The following ATP13A3 variants were observed in gnomAD, a reference collection of about 807,000 sequenced individuals.
ATP13A3 encodes the protein ATPase 13A3, also known as polyamine-transporting ATPase 13A3.
Under a neutral mutation model 158.1 loss-of-function variants are expected in ATP13A3, and 59 were observed. The observed-to-expected ratio is 0.37, with a 90% CI of 0.30 to 0.46. The LOEUF (loss-of-function observed/expected upper bound fraction) is 0.46, where lower values mean the gene tolerates loss of function less well. ATP13A3 is among the 20% of genes least tolerant of loss of function. ATP13A3 has a pLI of 1.00. For missense variants in ATP13A3, 1,166 were observed against 1,525.2 expected (o/e 0.76, Z 3.92); for synonymous variants, 491 against 504.3 (o/e 0.97, Z 0.35).
chr3:194,484,726 CTG>C (rs1270976359), intron 2 of ATP13A3, among the ~76,000 whole-genome samples: 2 of 152,098 alleles, frequency 1.3e-5, no homozygotes, highest in Non-Finnish European at 2.9e-5. Flanking sequence ...AAAGCGGATT[CTG>C]TGTGTTGTAT....
In ATP13A3 at chr3:194,431,236, T is replaced by C. The variant is rs1024313145; in HGVS notation, c.2422-10A>G. 1 of 1,589,086 alleles carries C rather than the reference T, an allele frequency of 6.3e-7. No homozygotes were observed. Among genetic ancestry groups the C allele is most frequent in the Non-Finnish European group, 8.6e-7 (1 of 1,162,310 alleles). On this transcript the variant is annotated splice_polypyrimidine_tract_variant and intron_variant, in intron 22 of 33. Transcript: ENST00000645319. Reference sequence around the variant, plus strand: ...ATTTAACCGGAATAGCCTGTGTATATGAGACATTGGGAACAATATTTAGGC... The same window carrying C: ...ATTTAACCGGAATAGCCTGTGTATACGAGACATTGGGAACAATATTTAGGC...
At chr3:194,424,378 A>C (rs1432376843) in intron 30 of ATP13A3, 1 of 152,124 alleles carries the variant, frequency 6.6e-6, no homozygotes, top group Non-Finnish European at 1.5e-5. Flanking sequence ...AAAAATTACC[A>C]GTGAGATCAG....
intron 21 of ATP13A3, among the ~76,000 whole-genome samples, chr3:194,433,476 C>T (rs1052436214): frequency 2.6e-5 from 4 of 152,070 alleles, no homozygotes; most frequent in Admixed American, 1.3e-4. Context: ...ATCTCCTGAC[C>T]TCATGATCCA....
chr3:194,454,420 T>C, intron 8 of ATP13A3, 28 bp from the exon 9 acceptor site: 2 of 1,585,484 alleles, frequency 1.3e-6, no homozygotes, highest in Non-Finnish European at 1.7e-6. Context: ...AAAGTCAAAC[T>C]GAATGAGGTA....
intron 7 of ATP13A3, among the ~76,000 whole-genome samples, chr3:194,456,176 T>A (rs1466569286): frequency 6.6e-6 from 1 of 152,148 alleles, no homozygotes; most frequent in Non-Finnish European, 1.5e-5. Context: ...TCATTTTGTC[T>A]CACATCTTTA....
chr3:194,418,466 C>T (rs531800655), intron 31 of ATP13A3, among the ~76,000 whole-genome samples: 291 of 151,786 alleles, frequency 1.9e-3, no homozygotes, highest in Middle Eastern at 6.8e-3. Context: ...AGACAACATC[C>T]TAAAAATTTT....
At chr3:194,451,912 T>C (rs753509843) in intron 10 of ATP13A3, 10 of 152,370 alleles carry the variant, frequency 6.6e-5, no homozygotes, top group Non-Finnish European at 1.3e-4. Context: ...TAAGTATCTT[T>C]TGAACTCATT....
intron 2 of ATP13A3, among the ~76,000 whole-genome samples, chr3:194,473,832 T>C (rs35251182): frequency 0.14 from 21,644 of 152,190 alleles, 1,688 homozygotes; most frequent in South Asian, 0.28. Context: ...TTAAGGAGAA[T>C]GAGTTAAATC....
chr3:194,484,775 G>A (rs1245483141), intron 2 of ATP13A3, among the ~76,000 whole-genome samples: 2 of 152,126 alleles, frequency 1.3e-5, no homozygotes, highest in Non-Finnish European at 1.5e-5. Flanking sequence ...AGTATCAACC[G>A]CCAAGCTCGG....
chr3:194,410,837 A>G (rs1195443675), intron 33 of ATP13A3, among the ~76,000 whole-genome samples: 1 of 145,876 alleles, frequency 6.9e-6, no homozygotes, highest in Non-Finnish European at 1.5e-5. Context: ...TACAATACGA[A>G]TATTTCACAT....
intron 10 of ATP13A3, chr3:194,451,849 A>G (rs918875480): frequency 1.3e-5 from 2 of 152,394 alleles, no homozygotes; most frequent in East Asian, 1.9e-4. Context: ...CTAGCCAGAC[A>G]CTGCTCCATG....
chr3:194,457,199 T>G, intron 6 of ATP13A3, 25 bp from the exon 7 acceptor site: 1 of 1,567,288 alleles, frequency 6.4e-7, no homozygotes, highest in Non-Finnish European at 8.7e-7. Flanking sequence ...AGTTTTTACT[T>G]TAAACAAAGT....
chr3:194,435,333 T>C (rs1289296787), intron 20 of ATP13A3, among the ~76,000 whole-genome samples: 1 of 152,210 alleles, frequency 6.6e-6, no homozygotes, highest in Non-Finnish European at 1.5e-5. Context: ...CTTCAGCTCG[T>C]CTCCTAACTC....
At chr3:194,446,901 G>GA in intron 14 of ATP13A3, 26 bp downstream of exon 14, 1 of 1,550,858 alleles carries the variant, frequency 6.4e-7, no homozygotes, top group Non-Finnish European at 8.7e-7. Flanking sequence ...AGTAACCTTT[G>GA]AAAGTAACTA....
At chr3:194,410,678 T>C (rs1054016653) in intron 33 of ATP13A3, among the ~76,000 whole-genome samples, 29 of 152,212 alleles carry the variant, frequency 1.9e-4, no homozygotes, top group African/African-American at 6.5e-4. Context: ...AGTCTTCCAA[T>C]CCAAATATTT....
At chr3:194,462,002 A>T (rs1386494439) in intron 3 of ATP13A3, 138 bp downstream of exon 3, 1 of 750,814 alleles carries the variant, frequency 1.3e-6, no homozygotes, top group Non-Finnish European at 2.2e-6. Context: ...CCAATTCAAA[A>T]GCACAGGATG....
chr3:194,458,874 C>T (rs1175499951), intron 6 of ATP13A3, among the ~76,000 whole-genome samples: 1 of 152,078 alleles, frequency 6.6e-6, no homozygotes. Context: ...ATGTTCATAA[C>T]ATGATTTTCT....
chr3:194,430,393 T>C (rs1717130905), intron 24 of ATP13A3, 78 bp from the exon 25 acceptor site: 5 of 1,442,378 alleles, frequency 3.5e-6, no homozygotes, highest in East Asian at 2.5e-5. Flanking sequence ...ACTTTTCTAT[T>C]ACAGTATTAT....
intron 17 of ATP13A3, 80 bp from the exon 18 acceptor site, chr3:194,437,653 A>G (rs558348526): frequency 3.0e-6 from 4 of 1,355,824 alleles, no homozygotes. Context: ...TTTACTAAGC[A>G]TCCACAAAAC....
Sources: allele counts gnomAD v4.1 joint callset (sites outside exome capture counted in the v4.1 genomes callset), GRCh38; gene constraint gnomAD v4.1.1; transcripts MANE v1.5; gene names NCBI Gene and HGNC (gene_info 2026-07-23, HGNC 2026-07-21).